Variants in BIRC6 observed in about 807,000 individuals in gnomAD.
BIRC6 encodes the protein baculoviral IAP repeat containing 6.
BIRC6 carries 98 observed loss-of-function variants against 503.3 expected under a neutral mutation model. The ratio of observed to expected loss-of-function variants is 0.19; its 90% CI spans 0.17 to 0.23. The LOEUF (loss-of-function observed/expected upper bound fraction) is 0.23. BIRC6 is among the 10% of genes least tolerant of loss of function. The probability of loss-of-function intolerance (pLI) is 1.00; values close to 1 mark genes in which losing one functional copy is unlikely to be tolerated. For synonymous variants in BIRC6, 2,240 were observed against 2,078.7 expected, an observed-to-expected ratio of 1.08 and a Z score of -2.11; for missense variants, 5,360 against 5,806.0, an observed-to-expected ratio of 0.92 and a Z score of 2.50.
At chr2:32,573,017 C>T (rs1352911405) in intron 65 of BIRC6, among the ~76,000 whole-genome samples, 1 of 152,184 alleles carries the variant, frequency 6.6e-6, no homozygotes, top group Non-Finnish European at 1.5e-5. Flanking sequence ...TCTAGTTGGA[C>T]TCCCACAATT....
chr2:32,363,349 T>C (rs1321229106), intron 1 of BIRC6, among the ~76,000 whole-genome samples: 3 of 152,066 alleles, frequency 2.0e-5, no homozygotes, highest in Admixed American at 2.0e-4. Flanking sequence ...CAAGAAAACC[T>C]TGCTTTTTTT....
At chr2:32,604,292 A>T (rs1223389370) in intron 71 of BIRC6, among the ~76,000 whole-genome samples, 1 of 152,162 alleles carries the variant, frequency 6.6e-6, no homozygotes, top group Non-Finnish European at 1.5e-5. Context: ...TAATACTGAA[A>T]ATCAGATTTT....
intron 73 of BIRC6, among the ~76,000 whole-genome samples, chr2:32,616,917 AAAATGGCG>A (rs1353254132): frequency 6.6e-6 from 1 of 152,036 alleles, no homozygotes; most frequent in Non-Finnish European, 1.5e-5. Context: ...CAGCTTGGGC[AAAATGGCG>A]AAACCCCATC....
At chr2:32,471,872 G>A (rs148716263) in intron 32 of BIRC6, among the ~76,000 whole-genome samples, 1 of 152,132 alleles carries the variant, frequency 6.6e-6, no homozygotes, top group Admixed American at 6.5e-5. Context: ...CAGGAACTCA[G>A]TATTTTTAAG....
chr2:32,558,865 T>C (rs889496063), intron 65 of BIRC6: 5 of 152,220 alleles, frequency 3.3e-5, no homozygotes, highest in African/African-American at 1.2e-4. Context: ...TTGATGTAAA[T>C]TGCTAGCCTC....
chr2:32,607,477 T>A lies in BIRC6; in HGVS notation c.14093T>A (p.Leu4698His). The change falls in exon 72 of 74, where the codon CTT becomes CAT. Residue 4698 changes from leucine to histidine, a missense_variant. Transcript: ENST00000421745. ...TAGGTGTTGGTGTCTGTCCAGTCCC[T>A]TATATTAGTAGCTGAGCCTTATTTT... Reference protein sequence around the residue: ...FLQVLVSVQSLILVAEPYFNE... With the variant: ...FLQVLVSVQSHILVAEPYFNE... 6.2e-7 allele frequency: 1 copy of A among 1,602,826 alleles called. No individual in the cohort carries two copies. Among genetic ancestry groups the A allele is most frequent in the Non-Finnish European group, 8.5e-7 (1 of 1,172,550 alleles).
chr2:32,476,781 T>C (rs141902579), intron 34 of BIRC6, among the ~76,000 whole-genome samples: 20 of 152,308 alleles, frequency 1.3e-4, no homozygotes, highest in East Asian at 5.8e-4. Flanking sequence ...GAGTTTAGAA[T>C]TGAAACTTCT....
intron 16 of BIRC6, among the ~76,000 whole-genome samples, chr2:32,440,966 G>A (rs2045366661): frequency 6.6e-6 from 1 of 151,862 alleles, no homozygotes; most frequent in African/African-American, 2.4e-5. Flanking sequence ...TCACTGTGTT[G>A]GTCAGGCTGT....
intron 73 of BIRC6, among the ~76,000 whole-genome samples, chr2:32,614,609 C>G (rs921426031): frequency 6.6e-6 from 1 of 152,204 alleles, no homozygotes; most frequent in African/African-American, 2.4e-5. Flanking sequence ...GGGCAGATCA[C>G]TTGTGGTCAG....
intron 65 of BIRC6, among the ~76,000 whole-genome samples, chr2:32,566,955 T>A (rs1196204984): frequency 6.6e-6 from 1 of 152,154 alleles, no homozygotes; most frequent in African/African-American, 2.4e-5. Context: ...AATGAAGACA[T>A]TACTCTTTTC....
At chr2:32,445,773 T>TA in intron 21 of BIRC6, 105 bp downstream of exon 21, 9 of 877,904 alleles carry the variant, frequency 1.0e-5, no homozygotes, top group Non-Finnish European at 1.2e-5. Flanking sequence ...AGTCTTTTTC[T>TA]TACAAAAATG....
At chr2:32,471,600 A>G (rs1157861900) in intron 32 of BIRC6, among the ~76,000 whole-genome samples, 2 of 152,190 alleles carry the variant, frequency 1.3e-5, no homozygotes, top group Non-Finnish European at 2.9e-5. Context: ...AAGCACAGAA[A>G]AATTTAAAAA....
intron 1 of BIRC6, among the ~76,000 whole-genome samples, chr2:32,373,500 A>G (rs970100357): frequency 2.0e-5 from 3 of 152,212 alleles, no homozygotes; most frequent in Non-Finnish European, 2.9e-5. Context: ...AATCTTTTCA[A>G]CAAATGTTGC....
Position 32,502,860 on chromosome 2 carries a change from T to C in BIRC6, c.9273T>C (p.Thr3091=). 1 of 1,612,606 alleles carries C rather than the reference T, an allele frequency of 6.2e-7. No homozygotes were observed. Among genetic ancestry groups the C allele is most frequent in the South Asian group, 1.1e-5 (1 of 90,752 alleles). The part of the protein sequence containing the change: ...LLWFILRVLD[T]SDALKAFHDM... ...GGTTCATTTTGAGAGTATTGGATAC[T>C]AGTGATGCCTTGAAAGCATTTCATG... The change falls in exon 48 of 74, where the codon ACT becomes ACC. Residue 3091 remains threonine, a synonymous_variant. Coordinates refer to ENST00000421745, the MANE Select transcript of BIRC6 (RefSeq NM_016252.4).
At chr2:32,413,962 T>C (rs2149998147) in intron 9 of BIRC6, among the ~76,000 whole-genome samples, 1 of 152,300 alleles carries the variant, frequency 6.6e-6, no homozygotes, top group Non-Finnish European at 1.5e-5. Context: ...ATGTTGTACA[T>C]GTTTAGTAGA....
rs1424431662 is a variant in BIRC6, at chr2:32,493,623, C to T, written c.8424C>T (p.Phe2808=). ...VHLSSTCPQI[F]SEFLLKLIHI... is the part of the protein sequence containing the mutation. ...TTTCTTCAACATGTCCTCAGATATT[C>T]AGTGAATTTTTGCTCAAGCTAATTC... Residue 2808 remains phenylalanine (F), a synonymous_variant, in exon 45 of 74, where the codon TTC becomes TTT. Coordinates refer to ENST00000421745, the MANE Select transcript of BIRC6 (RefSeq NM_016252.4). The T allele has an allele frequency of 6.2e-7, 1 of 1,608,570 alleles. No homozygotes were observed. The highest frequency in any genetic ancestry group is 8.5e-7 in the Non-Finnish European group (1 of 1,176,328).
At chr2:32,591,695 C>G (rs1435477591) in intron 66 of BIRC6, among the ~76,000 whole-genome samples, 2 of 152,194 alleles carry the variant, frequency 1.3e-5, no homozygotes, top group African/African-American at 4.8e-5. Flanking sequence ...TGGGTTAACT[C>G]ATTGATTATA....
intron 1 of BIRC6, among the ~76,000 whole-genome samples, chr2:32,375,551 T>G (rs1271960029): frequency 2.0e-5 from 3 of 151,646 alleles, no homozygotes; most frequent in Non-Finnish European, 4.4e-5. Context: ...CCTCCCAAAG[T>G]GCTGAGATTA....
intron 60 of BIRC6, 27 bp downstream of exon 60, chr2:32,529,851 T>C (rs79700869): frequency 0.011 from 16,430 of 1,439,614 alleles, 147 homozygotes; most frequent in Non-Finnish European, 0.013. Flanking sequence ...ACTTTAAAAA[T>C]TACAGACTGT....
Sources: gnomAD v4.1 joint callset for allele counts (sites outside exome capture counted in the v4.1 genomes callset) on GRCh38, gnomAD v4.1.1 for gene constraint, MANE v1.5 for transcripts, NCBI Gene and HGNC (gene_info 2026-07-23, HGNC 2026-07-21) for gene names.